Variants in B3GALT1 observed in about 807,000 individuals in gnomAD.
B3GALT1 encodes the protein beta-1,3-galactosyltransferase 1.
Under a neutral mutation model 23.2 loss-of-function variants are expected in B3GALT1, and 10 were observed. The observed-to-expected ratio is 0.43, with a 90% confidence interval of 0.27 to 0.73. The LOEUF (loss-of-function observed/expected upper bound fraction) is 0.73. Ranked by LOEUF, B3GALT1 falls within the 30% of genes least tolerant of loss-of-function variation. The pLI, the probability that B3GALT1 is intolerant of heterozygous loss-of-function variation, is 0.21. For missense variants in B3GALT1, 299 were observed against 405.4 expected (o/e 0.74, Z 2.25); for synonymous variants, 156 against 141.5 (o/e 1.10, Z -0.73).
At chr2:167,466,206 C>G (rs1174665519) in intron 1 of B3GALT1, among the ~76,000 whole-genome samples, 1 of 152,030 alleles carries the variant, frequency 6.6e-6, no homozygotes, top group Admixed American at 6.6e-5. Context: ...TTGTTTTATC[C>G]TGAAAAGACA....
chr2:167,480,361 G>A (rs889875304), intron 1 of B3GALT1, among the ~76,000 whole-genome samples: 1 of 152,182 alleles, frequency 6.6e-6, no homozygotes, highest in Non-Finnish European at 1.5e-5. Flanking sequence ...CCAGGAATGA[G>A]CGAAGCCAGC....
intron 1 of B3GALT1, among the ~76,000 whole-genome samples, chr2:167,306,044 TA>T (rs1053292848): frequency 1.8e-4 from 27 of 151,906 alleles, no homozygotes; most frequent in African/African-American, 4.8e-4. Context: ...AAAATAATTA[TA>T]AAAAAAATTC....
intron 1 of B3GALT1, among the ~76,000 whole-genome samples, chr2:167,304,930 A>G (rs1242491260): frequency 6.6e-6 from 1 of 152,138 alleles, no homozygotes; most frequent in African/African-American, 2.4e-5. Context: ...ACGGGAGAAG[A>G]TAGCTGTCCC....
At chr2:167,770,276 C>T (rs980526985) in intron 3 of B3GALT1, among the ~76,000 whole-genome samples, 4 of 151,856 alleles carry the variant, frequency 2.6e-5, no homozygotes, top group Admixed American at 1.3e-4. Context: ...CTGGCTGTTT[C>T]GCTTCATTTT....
chr2:167,569,344 C>A (rs995461531), intron 2 of B3GALT1, among the ~76,000 whole-genome samples: 3 of 151,840 alleles, frequency 2.0e-5, no homozygotes, highest in Non-Finnish European at 4.4e-5. Flanking sequence ...AAATATCTCT[C>A]CATTTATTCC....
At chr2:167,408,696 GCAAA>G (rs1168978060) in intron 1 of B3GALT1, among the ~76,000 whole-genome samples, 1 of 149,924 alleles carries the variant, frequency 6.7e-6, no homozygotes, top group Admixed American at 6.7e-5. Flanking sequence ...ATGGCCAACA[GCAAA>G]CAATCAGAAA....
At chr2:167,821,743 T>C (rs1289952035) in intron 4 of B3GALT1, among the ~76,000 whole-genome samples, 2 of 139,690 alleles carry the variant, frequency 1.4e-5, no homozygotes, top group African/African-American at 5.3e-5. Context: ...CCTAGGAAGG[T>C]ATTTTTTTTA....
intron 3 of B3GALT1, among the ~76,000 whole-genome samples, chr2:167,766,682 C>G (rs1213229621): frequency 6.6e-6 from 1 of 152,118 alleles, no homozygotes; most frequent in African/African-American, 2.4e-5. Context: ...GATTTCCCAT[C>G]AAAACTCACA....
chr2:167,704,141 A>G (rs980767049), intron 3 of B3GALT1, among the ~76,000 whole-genome samples: 1 of 142,948 alleles, frequency 7.0e-6, no homozygotes. Context: ...AGATCGCACC[A>G]CTGCACTCCA....
intron 1 of B3GALT1, among the ~76,000 whole-genome samples, chr2:167,459,700 A>T (rs891460259): frequency 6.6e-6 from 1 of 151,938 alleles, no homozygotes; most frequent in African/African-American, 2.4e-5. Context: ...TGAGTTTTTT[A>T]TTTTTTCATA....
intron 3 of B3GALT1, among the ~76,000 whole-genome samples, chr2:167,690,146 A>G (rs1686686452): frequency 6.6e-6 from 1 of 152,136 alleles, no homozygotes; most frequent in East Asian, 1.9e-4. Flanking sequence ...ATAAACAATG[A>G]TTTATTACGA....
Position 167,294,505 on chromosome 2 carries a change from A to C in B3GALT1, c.-511+1171A>C, listed in dbSNP as rs551556799. On this transcript the variant is annotated intron_variant, in intron 1 of 4. Transcript: ENST00000392690. ...TACTGGGCCAGATCCGAATCTCCGT[A>C]GTTCAGTGCAGTGGGTTCTCCATCC... Among the ~76,000 whole-genome samples, 4 of 152,364 alleles carry C rather than the reference A, an allele frequency of 2.6e-5. No individual in the cohort carries two copies. In the East Asian group the frequency reaches 7.7e-4, roughly 29 times the overall value.
At chr2:167,298,842 T>G (rs542570465) in intron 1 of B3GALT1, among the ~76,000 whole-genome samples, 56 of 152,108 alleles carry the variant, frequency 3.7e-4, no homozygotes, top group African/African-American at 1.3e-3. Context: ...TTAAGAAAAT[T>G]TAAAAGCTAC....
At chr2:167,531,532 C>A (rs1349323646) in intron 2 of B3GALT1, among the ~76,000 whole-genome samples, 2 of 152,034 alleles carry the variant, frequency 1.3e-5, no homozygotes, top group Non-Finnish European at 2.9e-5. Context: ...AAGTCTGATT[C>A]AATTATTTCT....
chr2:167,344,266 C>T (rs780482743), intron 1 of B3GALT1, among the ~76,000 whole-genome samples: 14 of 152,060 alleles, frequency 9.2e-5, no homozygotes, highest in Admixed American at 1.3e-4. Context: ...TTTATCTACT[C>T]GCCCCCAAAA....
chr2:167,697,053 A>G (rs1387791455), intron 3 of B3GALT1, among the ~76,000 whole-genome samples: 2 of 152,160 alleles, frequency 1.3e-5, no homozygotes, highest in Non-Finnish European at 2.9e-5. Context: ...TTGTTCATGC[A>G]TTGCTCTCAA....
intron 1 of B3GALT1, among the ~76,000 whole-genome samples, chr2:167,331,799 CA>C (rs1265144677): frequency 0.02 from 3,017 of 152,278 alleles, 126 homozygotes; most frequent in African/African-American, 0.069. Flanking sequence ...GAGGTAGCAG[CA>C]GCTGTGCTGC....
intron 1 of B3GALT1, among the ~76,000 whole-genome samples, chr2:167,376,260 A>G (rs1697761102): frequency 6.6e-6 from 1 of 152,080 alleles, no homozygotes; most frequent in Non-Finnish European, 1.5e-5. Context: ...TATTTTGTTG[A>G]GGATCTTGTG....
Position 167,873,617 on chromosome 2 carries a change from C to A in B3GALT1, c.*3597C>A, listed in dbSNP as rs1410595984. The A allele has an allele frequency of 6.6e-6, 1 of 152,054 alleles. No homozygotes were observed. Among genetic ancestry groups the A allele is most frequent in the Non-Finnish European group, 1.5e-5 (1 of 68,008 alleles). 9.4% of individuals were successfully genotyped at this position (152,054 alleles called of 1,614,324 possible). A position where few individuals can be genotyped will look rare whatever the true frequency, so the allele number is the denominator to read the frequency against. On this transcript the variant is annotated 3_prime_UTR_variant, in exon 5 of 5. Coordinates refer to ENST00000392690, the MANE Select transcript of B3GALT1 (RefSeq NM_020981.4). ...AGGTGAAAATCGTTTTTATAAACAA[C>A]AAAGTAACTTGTGAATGAAAGAAGT...
Sources: allele counts gnomAD v4.1 joint callset (sites outside exome capture counted in the v4.1 genomes callset), GRCh38; gene constraint gnomAD v4.1.1; transcripts MANE v1.5; gene names NCBI Gene and HGNC (gene_info 2026-07-23, HGNC 2026-07-21).